The following ATP6V1B2 variants were observed in gnomAD, a reference collection of about 807,000 sequenced individuals.
ATP6V1B2 encodes the protein V-type proton ATPase subunit B, brain isoform.
A neutral mutation model predicts 66.7 loss-of-function variants in ATP6V1B2; 23 were observed. The observed-to-expected ratio is 0.34, with a 90% CI of 0.25 to 0.49. The LOEUF (loss-of-function observed/expected upper bound fraction) is 0.49, where lower values mean the gene tolerates loss of function less well. ATP6V1B2 is among the 20% of genes least tolerant of loss of function. The pLI is 0.99. For missense variants in ATP6V1B2, 478 were observed against 650.8 expected, an observed-to-expected ratio of 0.73 and a Z score of 2.89; for synonymous variants, 278 against 236.7, an observed-to-expected ratio of 1.17 and a Z score of -1.60.
At chr8:20,211,138 G>T in intron 5 of ATP6V1B2, 39 bp from the exon 6 acceptor site, 1 of 1,586,734 alleles carries the variant, frequency 6.3e-7, no homozygotes, top group Non-Finnish European at 8.5e-7. Flanking sequence ...TGAATAATGC[G>T]GCAACTTGTT....
intron 12 of ATP6V1B2, among the ~76,000 whole-genome samples, chr8:20,217,534 C>T (rs529321666): frequency 6.6e-6 from 1 of 152,226 alleles, no homozygotes; most frequent in Non-Finnish European, 1.5e-5. Flanking sequence ...AGCTTGAAAC[C>T]CATGTCTAAT....
chr8:20,198,006 G>C (rs1008964353), intron 1 of ATP6V1B2, among the ~76,000 whole-genome samples: 1 of 152,250 alleles, frequency 6.6e-6, no homozygotes, highest in African/African-American at 2.4e-5. Flanking sequence ...AGCCTTCGCT[G>C]ACGTGGTCAG....
At chr8:20,216,521 A>G (rs1352241410) in intron 11 of ATP6V1B2, 26 bp downstream of exon 11, 19 of 1,590,940 alleles carry the variant, frequency 1.2e-5, no homozygotes, top group Non-Finnish European at 1.6e-5. Flanking sequence ...AGTGCTGGGA[A>G]GCTTGCAGAC....
chr8:20,207,576 TA>T (rs1351930818), intron 2 of ATP6V1B2, among the ~76,000 whole-genome samples: 1 of 151,066 alleles, frequency 6.6e-6, no homozygotes, highest in African/African-American at 2.4e-5. Context: ...ATAATAATAA[TA>T]AAATAAAATA....
At chr8:20,203,232 T>C (rs1324030587) in intron 1 of ATP6V1B2, among the ~76,000 whole-genome samples, 1 of 152,178 alleles carries the variant, frequency 6.6e-6, no homozygotes, top group Non-Finnish European at 1.5e-5. Context: ...ATTGAGACAG[T>C]TGCAGTACAA....
At chr8:20,216,711 C>A in intron 11 of ATP6V1B2, 1 of 403,738 alleles carries the variant, frequency 2.5e-6, no homozygotes, top group African/African-American at 2.1e-5. Context: ...TTTATTGTGT[C>A]TTAAAACAGA....
chr8:20,206,539 C>T (rs2072739925), intron 2 of ATP6V1B2, among the ~76,000 whole-genome samples: 2 of 152,110 alleles, frequency 1.3e-5, no homozygotes, highest in African/African-American at 2.4e-5. Flanking sequence ...ATTACCACTA[C>T]TGTTAAGGTT....
intron 3 of ATP6V1B2, 53 bp downstream of exon 3, chr8:20,209,584 A>G: frequency 6.8e-7 from 1 of 1,479,682 alleles, no homozygotes; most frequent in Non-Finnish European, 9.4e-7. Flanking sequence ...CACATAGGGA[A>G]CACTGCTTGT....
chr8:20,210,420 G>C lies in ATP6V1B2; in HGVS notation c.366G>C (p.Pro122=), dbSNP rs773659285. The part of the protein sequence containing the change: ...CEFTGDILRT[P]VSEDMLGRVF... ...TTACTGGGGATATTCTCCGAACACCGGTGTCTGAGGATATGCTTGGTAAAT... is the reference window on the plus strand; with the variant it reads ...TTACTGGGGATATTCTCCGAACACCCGTGTCTGAGGATATGCTTGGTAAAT... The change falls in exon 4 of 14, where the codon CCG becomes CCC. Residue 122 remains proline (P), a synonymous_variant. Coordinates refer to ENST00000276390, the MANE Select transcript of ATP6V1B2 (RefSeq NM_001693.4). The C allele has an allele frequency of 4.3e-6, 7 of 1,613,450 alleles. No homozygotes were observed. Among genetic ancestry groups the C allele is most frequent in the Non-Finnish European group, 5.9e-6 (7 of 1,179,576 alleles).
Position 20,217,284 on chromosome 8 carries a change from G to C in ATP6V1B2, c.1226G>C (p.Gly409Ala). 6.2e-7 allele frequency: 1 copy of C among 1,613,194 alleles called. No individual in the cohort carries two copies. The highest frequency in any genetic ancestry group is 8.5e-7 in the Non-Finnish European group (1 of 1,179,354). ...TTAATGAAGTCTGCTATTGGAGAAGGGATGACCAGGAAGGATCATGCCGAT... is the reference window on the plus strand; with the variant it reads ...TTAATGAAGTCTGCTATTGGAGAAGCGATGACCAGGAAGGATCATGCCGAT... ...SRLMKSAIGE[G>A]MTRKDHADVS... The change falls in exon 12 of 14, where the codon GGG becomes GCG. Residue 409 changes from glycine to alanine, a missense_variant. Coordinates refer to ENST00000276390, the MANE Select transcript of ATP6V1B2 (RefSeq NM_001693.4).
intron 3 of ATP6V1B2, 80 bp from the exon 4 acceptor site, chr8:20,210,266 C>G (rs1585250301): frequency 9.0e-7 from 1 of 1,117,206 alleles, no homozygotes; most frequent in South Asian, 1.4e-5. Context: ...ATTATAAGGG[C>G]TGTTTAACAG....
intron 1 of ATP6V1B2, among the ~76,000 whole-genome samples, chr8:20,198,108 A>G (rs2072647528): frequency 1.3e-5 from 2 of 152,228 alleles, no homozygotes; most frequent in South Asian, 2.1e-4. Flanking sequence ...ACACCTAGAT[A>G]TCAGAGAACG....
intron 3 of ATP6V1B2, among the ~76,000 whole-genome samples, 194 bp from the exon 4 acceptor site, chr8:20,210,152 T>A (rs1208487380): frequency 6.6e-6 from 1 of 150,940 alleles, no homozygotes; most frequent in Non-Finnish European, 1.5e-5. Flanking sequence ...CTTATCAAAT[T>A]TGGCCTGTAG....
At position 20,221,143 on chromosome 8, in the gene ATP6V1B2, C is replaced by T. The variant is rs2072902674; in HGVS notation, c.*741C>T. The T allele has an allele frequency of 6.6e-6, 1 of 152,070 alleles. No individual in the cohort carries two copies. Among genetic ancestry groups the T allele is most frequent in the South Asian group, 2.1e-4 (1 of 4,820 alleles). The allele number at this position is 152,070 out of a possible 1,614,324, so 9.4% of individuals were successfully genotyped here. A position where few individuals can be genotyped will look rare whatever the true frequency, so the allele number is the denominator to read the frequency against. On this transcript the variant is annotated 3_prime_UTR_variant, in exon 14 of 14. Transcript: ENST00000276390. ...TCCAAGCAGAGGAGTCACATGATTA[C>T]AATTGCCAGTAGAGTTGTTGTTTGG...
chr8:20,217,343 GAATGGTGTTTGAA>G lies in ATP6V1B2; in HGVS notation c.1266+23_1266+35del, dbSNP rs1428374228. The stretch of plus-strand genomic sequence containing the variant: ...CCAGCTAGTATGTACATTCTTCTAA[GAATGGTGTTTGAA>G]AATATGGATACGTTTCTGCTGTCTT... On this transcript the variant is annotated intron_variant, in intron 12 of 13. Coordinates refer to ENST00000276390, the MANE Select transcript of ATP6V1B2 (RefSeq NM_001693.4). The G allele has an allele frequency of 6.3e-7, 1 of 1,584,918 alleles. No homozygotes were observed. Among genetic ancestry groups the G allele is most frequent in the Non-Finnish European group, 8.7e-7 (1 of 1,153,822 alleles).
intron 8 of ATP6V1B2, 87 bp downstream of exon 8, chr8:20,212,286 C>G: frequency 4.0e-6 from 5 of 1,253,822 alleles, no homozygotes; most frequent in Non-Finnish European, 5.7e-6. Flanking sequence ...GTGGTAATAA[C>G]AGCATTTGGA....
chr8:20,211,692 A>T lies in ATP6V1B2; in HGVS notation c.644A>T (p.Lys215Ile), dbSNP rs1303753404. Reference sequence around the variant, plus strand: ...TGTCGCCAGGCTGGTTTGGTAAAGAAATCCAAAGATGTAGTAGACTACAGT... The same window carrying T: ...TGTCGCCAGGCTGGTTTGGTAAAGATATCCAAAGATGTAGTAGACTACAGT... ...QICRQAGLVK[K>I]SKDVVDYSEE... Residue 215 changes from lysine (K) to isoleucine (I), a missense_variant, in exon 7 of 14, where the codon AAA (lysine) becomes ATA (isoleucine). Around this residue, in one of 2 missense-constraint regions of ATP6V1B2, gnomAD observed 326 missense variants for 545.6 expected, o/e 0.60. Transcript: ENST00000276390. The T allele has an allele frequency of 4.3e-6, 7 of 1,612,994 alleles. No individual in the cohort carries two copies. The highest frequency in any genetic ancestry group is 5.9e-6 in the Non-Finnish European group (7 of 1,179,710).
At chr8:20,204,702 C>T (rs2072720625) in intron 2 of ATP6V1B2, among the ~76,000 whole-genome samples, 163 bp downstream of exon 2, 1 of 152,078 alleles carries the variant, frequency 6.6e-6, no homozygotes, top group Admixed American at 6.6e-5. Context: ...CTATCAGATA[C>T]CCTGGGCTAA....
rs777571785 is a variant in ATP6V1B2 at position 20,211,334 on chromosome 8, T to A, written c.603+18T>A. 2 of 1,604,088 alleles carry A rather than the reference T, an allele frequency of 1.2e-6. No homozygotes were observed. Among genetic ancestry groups the A allele is most frequent in the Non-Finnish European group, 1.7e-6 (2 of 1,177,076 alleles). ...ACAATGAGGTGAGGACTGGGATCGG[T>A]TTGCTATGAAGTTTAGCAGACAAGA... On this transcript the variant is annotated intron_variant, in intron 6 of 13. Coordinates refer to ENST00000276390, the MANE Select transcript of ATP6V1B2 (RefSeq NM_001693.4).
Sources: allele counts gnomAD v4.1 joint callset (sites outside exome capture counted in the v4.1 genomes callset), GRCh38; gene constraint gnomAD v4.1.1; regional missense constraint gnomAD v4.1.1; transcripts MANE v1.5; gene names NCBI Gene and HGNC (gene_info 2026-07-23, HGNC 2026-07-21).